Variants in SNTB1 observed in about 807,000 individuals in gnomAD.
SNTB1 encodes syntrophin beta 1.
Under a neutral mutation model 48.9 loss-of-function variants are expected in SNTB1, and 36 were observed. The observed-to-expected ratio is 0.74, with a 90% CI of 0.56 to 0.97. The LOEUF is 0.97. Ranked by LOEUF, SNTB1 falls within the 50% of genes least tolerant of loss-of-function variation. The pLI is 0.00. For missense variants in SNTB1, 786 were observed against 703.4 expected (o/e 1.12, Z -1.33); for synonymous variants, 299 against 294.6 (o/e 1.01, Z -0.15).
chr8:120,806,439 G>C (rs1308232073), intron 1 of SNTB1, among the ~76,000 whole-genome samples: 1 of 152,214 alleles, frequency 6.6e-6, no homozygotes, highest in Non-Finnish European at 1.5e-5. Context: ...TGATGTAGTT[G>C]TGTCCATGCA....
chr8:120,700,942 A>G (rs1818300343), intron 1 of SNTB1, among the ~76,000 whole-genome samples: 1 of 152,232 alleles, frequency 6.6e-6, no homozygotes, highest in Non-Finnish European at 1.5e-5. Flanking sequence ...CAGGAAGGAA[A>G]AAAAATTCAT....
intron 4 of SNTB1, among the ~76,000 whole-genome samples, chr8:120,559,681 A>T (rs1815620392): frequency 6.6e-6 from 1 of 152,168 alleles, no homozygotes; most frequent in Non-Finnish European, 1.5e-5. Context: ...ATCCCCAAAA[A>T]CCTGTCTTTC....
intron 1 of SNTB1, among the ~76,000 whole-genome samples, chr8:120,802,832 T>C (rs1158527989): frequency 6.6e-6 from 1 of 152,082 alleles, no homozygotes; most frequent in Non-Finnish European, 1.5e-5. Flanking sequence ...GTCCCTTTAC[T>C]CCTCAGAACA....
intron 2 of SNTB1, among the ~76,000 whole-genome samples, chr8:120,641,480 C>A (rs1027503858): frequency 6.6e-6 from 1 of 151,982 alleles, no homozygotes; most frequent in Admixed American, 6.6e-5. Context: ...GTGATGCCAG[C>A]AAAAATGAAA....
intron 2 of SNTB1, among the ~76,000 whole-genome samples, chr8:120,663,802 A>G (rs1235643435): frequency 6.6e-6 from 1 of 152,176 alleles, no homozygotes; most frequent in Non-Finnish European, 1.5e-5. Flanking sequence ...GACCAGCCAG[A>G]ATGTCTCTGC....
chr8:120,541,781 T>C, intron 6 of SNTB1, 29 bp downstream of exon 6: 2 of 1,516,288 alleles, frequency 1.3e-6, no homozygotes, highest in Middle Eastern at 1.7e-4. Context: ...ATATATGAAA[T>C]CACACTGTCT....
At chr8:120,806,155 G>A (rs974324651) in intron 1 of SNTB1, among the ~76,000 whole-genome samples, 1 of 152,176 alleles carries the variant, frequency 6.6e-6, no homozygotes, top group African/African-American at 2.4e-5. Flanking sequence ...AAGGTGGGGG[G>A]GTCCACACCT....
chr8:120,632,544 T>C lies in SNTB1; in HGVS notation c.896A>G (p.Asp299Gly). Reference protein sequence around the residue: ...WFSAIHSNVNDLLTRVIAEVR... With the variant: ...WFSAIHSNVNGLLTRVIAEVR... Reference sequence around the variant, plus strand: ...CTCAGCAATCACTCGGGTCAGCAGGTCATTAACGTTGGAATGGATGGCACT... The same window carrying C: ...CTCAGCAATCACTCGGGTCAGCAGGCCATTAACGTTGGAATGGATGGCACT... The change falls in exon 3 of 7, where the codon GAC becomes GGC. Residue 299 changes from aspartate (D) to glycine (G), a missense_variant. Asp to Gly is a moderately conservative substitution (Grantham distance 94). Coordinates refer to ENST00000517992, the MANE Select transcript of SNTB1 (RefSeq NM_021021.4). 1 of 1,614,166 alleles carries C rather than the reference T, an allele frequency of 6.2e-7. No homozygotes were observed. Among genetic ancestry groups the C allele is most frequent in the Non-Finnish European group, 8.5e-7 (1 of 1,180,028 alleles).
intron 4 of SNTB1, among the ~76,000 whole-genome samples, chr8:120,569,764 G>A (rs1028836109): frequency 5.9e-4 from 90 of 152,198 alleles, no homozygotes; most frequent in African/African-American, 1.9e-3. Flanking sequence ...ACTAGCCACA[G>A]GTGGCTATTG....
intron 2 of SNTB1, among the ~76,000 whole-genome samples, chr8:120,675,310 A>G (rs530528596): frequency 6.6e-6 from 1 of 152,202 alleles, no homozygotes; most frequent in Non-Finnish European, 1.5e-5. Flanking sequence ...TTTCTCAGAA[A>G]ATATTAATCA....
chr8:120,597,868 A>G (rs1816350941), intron 3 of SNTB1, among the ~76,000 whole-genome samples: 1 of 152,242 alleles, frequency 6.6e-6, no homozygotes, highest in South Asian at 2.1e-4. Context: ...TCAGAGGCCT[A>G]AAGTCCTGGA....
At chr8:120,669,350 A>G (rs1231215429) in intron 2 of SNTB1, among the ~76,000 whole-genome samples, 1 of 152,228 alleles carries the variant, frequency 6.6e-6, no homozygotes, top group South Asian at 2.1e-4. Flanking sequence ...ATTGAATTTC[A>G]TCTCTAGAAA....
intron 3 of SNTB1, among the ~76,000 whole-genome samples, chr8:120,596,255 C>T (rs1387483365): frequency 6.6e-6 from 1 of 151,748 alleles, no homozygotes; most frequent in Non-Finnish European, 1.5e-5. Flanking sequence ...CAAAGGTCGA[C>T]ATTCACTAAA....
At chr8:120,714,981 A>G (rs1818530963) in intron 1 of SNTB1, among the ~76,000 whole-genome samples, 1 of 152,230 alleles carries the variant, frequency 6.6e-6, no homozygotes, top group African/African-American at 2.4e-5. Flanking sequence ...ATTTCTGTGA[A>G]AAGACGAGCT....
intron 2 of SNTB1, among the ~76,000 whole-genome samples, chr8:120,675,711 T>C (rs953317845): frequency 3.3e-5 from 5 of 152,200 alleles, no homozygotes; most frequent in African/African-American, 1.2e-4. Context: ...AGCACTACTC[T>C]CTCTGCCACA....
chr8:120,620,763 C>T (rs10093840), intron 3 of SNTB1, among the ~76,000 whole-genome samples: 15,156 of 148,624 alleles, frequency 0.1, 1,082 homozygotes, highest in African/African-American at 0.2. Flanking sequence ...AAGTGAATGT[C>T]TGCCTGAAAC....
intron 1 of SNTB1, among the ~76,000 whole-genome samples, chr8:120,801,832 T>G (rs186275531): frequency 6.6e-6 from 1 of 152,116 alleles, no homozygotes; most frequent in Non-Finnish European, 1.5e-5. Flanking sequence ...TAAACTTTTT[T>G]AAAAAAATTC....
intron 3 of SNTB1, among the ~76,000 whole-genome samples, chr8:120,597,188 T>C (rs770961891): frequency 4.6e-5 from 7 of 152,176 alleles, no homozygotes; most frequent in Non-Finnish European, 8.8e-5. Flanking sequence ...AGGATACCAG[T>C]GGCCATCAGA....
At chr8:120,603,083 T>A (rs2130721281) in intron 3 of SNTB1, among the ~76,000 whole-genome samples, 1 of 151,022 alleles carries the variant, frequency 6.6e-6, no homozygotes, top group East Asian at 1.9e-4. Flanking sequence ...TCCACCCCCC[T>A]CAAAAAAGTC....
Sources: allele counts gnomAD v4.1 joint callset (sites outside exome capture counted in the v4.1 genomes callset), GRCh38; gene constraint gnomAD v4.1.1; transcripts MANE v1.5; gene names NCBI Gene and HGNC (gene_info 2026-07-23, HGNC 2026-07-21).